The following IFT43 variants were observed in gnomAD, a reference collection of about 807,000 sequenced individuals.
IFT43 encodes intraflagellar transport 43.
Under a neutral mutation model 32.3 loss-of-function variants are expected in IFT43, and 33 were observed. The observed-to-expected ratio is 1.02, with a 90% CI of 0.77 to 1.37. The LOEUF is 1.37. Among genes scored for constraint, IFT43 ranks in the 40% most tolerant of loss-of-function variants. IFT43 has a pLI of 0.00. For synonymous variants in IFT43, 93 were observed against 98.2 expected (o/e 0.95, Z 0.31); for missense variants, 274 against 265.9 (o/e 1.03, Z -0.21).
intron 5 of IFT43, among the ~76,000 whole-genome samples, chr14:76,062,936 A>AG (rs1286199089): frequency 8.3e-4 from 123 of 148,892 alleles, no homozygotes; most frequent in African/African-American, 1.9e-3. Context: ...AAAAAAAAAA[A>AG]AAAAAGAAAA....
chr14:76,025,901 T>C (rs1041307425), intron 3 of IFT43, among the ~76,000 whole-genome samples: 2 of 152,188 alleles, frequency 1.3e-5, no homozygotes, highest in Non-Finnish European at 2.9e-5. Context: ...AAAGATTTCA[T>C]GATGAAGACA....
intron 1 of IFT43, chr14:75,986,104 C>G (rs1222997564): frequency 5.1e-5 from 74 of 1,445,890 alleles, no homozygotes; most frequent in Non-Finnish European, 6.7e-5. Context: ...GGGAAATTTC[C>G]GAGCCTTTCT....
At chr14:76,076,657 C>T (rs1183298938) in intron 5 of IFT43, 3 of 1,614,084 alleles carry the variant, frequency 1.9e-6, no homozygotes, top group Middle Eastern at 1.6e-4. Context: ...AAACGCATCA[C>T]AGAGATTTGG....
At chr14:75,993,230 T>C (rs1051433912) in intron 2 of IFT43, among the ~76,000 whole-genome samples, 16 of 152,222 alleles carry the variant, frequency 1.1e-4, no homozygotes, top group Admixed American at 6.5e-4. Flanking sequence ...ATGTTTTATG[T>C]GATCCATACA....
intron 2 of IFT43, among the ~76,000 whole-genome samples, chr14:76,016,412 A>C (rs1192991003): frequency 6.6e-6 from 1 of 151,910 alleles, no homozygotes; most frequent in African/African-American, 2.4e-5. Context: ...CCTTTGATCT[A>C]TTTGTTTTTA....
intron 3 of IFT43, among the ~76,000 whole-genome samples, chr14:76,037,533 A>G (rs772751899): frequency 6.6e-6 from 1 of 152,164 alleles, no homozygotes; most frequent in South Asian, 2.1e-4. Context: ...TACATTTTAT[A>G]CTTGTAACCC....
intron 3 of IFT43, among the ~76,000 whole-genome samples, chr14:76,030,128 A>C (rs1306227143): frequency 6.6e-6 from 1 of 151,988 alleles, no homozygotes. Context: ...CAATCGTCCT[A>C]CTTTGGCCTC....
At chr14:76,042,393 A>G (rs1352011308) in intron 3 of IFT43, among the ~76,000 whole-genome samples, 1 of 152,062 alleles carries the variant, frequency 6.6e-6, no homozygotes, top group African/African-American at 2.4e-5. Context: ...TTCTGTTTTT[A>G]TGCCCCTTGA....
intron 3 of IFT43, among the ~76,000 whole-genome samples, chr14:76,029,923 C>G (rs1268924125): frequency 2.2e-5 from 2 of 92,416 alleles, no homozygotes; most frequent in African/African-American, 8.6e-5. Flanking sequence ...TCTCTGTTGC[C>G]CAGGCTGGAG....
At chr14:76,063,416 G>T (rs2037177938) in intron 5 of IFT43, among the ~76,000 whole-genome samples, 1 of 152,186 alleles carries the variant, frequency 6.6e-6, no homozygotes, top group Non-Finnish European at 1.5e-5. Flanking sequence ...TTCAGACTTT[G>T]CTTCTAAAAT....
intron 3 of IFT43, 25 bp from the exon 4 acceptor site, chr14:76,058,617 C>T (rs759725111): frequency 6.3e-6 from 10 of 1,598,660 alleles, no homozygotes; most frequent in Non-Finnish European, 8.5e-6. Flanking sequence ...TCTCAAAAAC[C>T]TTGTCTTTTC....
Position 76,083,213 on chromosome 14 carries a change from G to A in IFT43, c.445-14G>A, listed in dbSNP as rs753055843. On this transcript the variant is annotated splice_polypyrimidine_tract_variant and intron_variant, in intron 7 of 8. Transcript: ENST00000314067. ...AAGGTGCTCAGCCTGACCTTTTTTT[G>A]TTTGCATTCACAGGATGGGGAGATC... 1.5e-5 allele frequency: 24 copies of A among 1,613,796 alleles called. No individual in the cohort carries two copies. The highest frequency in any genetic ancestry group is 3.3e-5 in the Admixed American group (2 of 59,946).
intron 5 of IFT43, among the ~76,000 whole-genome samples, chr14:76,081,993 C>G (rs1475831889): frequency 6.6e-6 from 1 of 152,242 alleles, no homozygotes; most frequent in Non-Finnish European, 1.5e-5. Context: ...TGGAGATCCA[C>G]TGCAGTGGCT....
chr14:76,007,150 C>T lies in IFT43; in HGVS notation c.148-15177C>T, dbSNP rs541612735. 5.3e-5 allele frequency among the ~76,000 whole-genome samples: 8 copies of T among 152,258 alleles called. No homozygotes were observed. The East Asian group carries it at 1.2e-3, about 22-fold the overall frequency. On this transcript the variant is annotated intron_variant, in intron 2 of 8. Coordinates refer to ENST00000314067, the MANE Select transcript of IFT43 (RefSeq NM_001102564.3). Reference sequence around the variant, plus strand: ...TTGGGATTACAGGTGTGAGCCACTGCGCCTGTGCTGGGGCCACTTTTCAAA... The same window carrying T: ...TTGGGATTACAGGTGTGAGCCACTGTGCCTGTGCTGGGGCCACTTTTCAAA...
chr14:76,043,013 C>T (rs1345630533), intron 3 of IFT43, among the ~76,000 whole-genome samples: 1 of 152,166 alleles, frequency 6.6e-6, no homozygotes, highest in Non-Finnish European at 1.5e-5. Flanking sequence ...GGGCACAGAG[C>T]AGAGCCCTGG....
intron 3 of IFT43, among the ~76,000 whole-genome samples, chr14:76,047,699 G>T (rs374404793): frequency 6.6e-6 from 1 of 151,448 alleles, no homozygotes; most frequent in Non-Finnish European, 1.5e-5. Flanking sequence ...CTGCCTGCCC[G>T]CCTGCCTTCC....
chr14:76,007,175 A>T (rs973633951), intron 2 of IFT43, among the ~76,000 whole-genome samples: 4 of 152,062 alleles, frequency 2.6e-5, no homozygotes, highest in Non-Finnish European at 4.4e-5. Flanking sequence ...CACTTTTCAA[A>T]TGGTATATAG....
chr14:76,050,057 G>A (rs1693120062), intron 3 of IFT43, among the ~76,000 whole-genome samples: 1 of 152,108 alleles, frequency 6.6e-6, no homozygotes, highest in Non-Finnish European at 1.5e-5. Flanking sequence ...CTCAGCCCCT[G>A]CATGCCTCTG....
chr14:76,017,864 A>T (rs2036217868), intron 2 of IFT43, among the ~76,000 whole-genome samples: 1 of 151,368 alleles, frequency 6.6e-6, no homozygotes, highest in Non-Finnish European at 1.5e-5. Context: ...GTCTCTTATG[A>T]TCCTTTGTAT....
Sources: allele counts gnomAD v4.1 joint callset (sites outside exome capture counted in the v4.1 genomes callset), GRCh38; gene constraint gnomAD v4.1.1; transcripts MANE v1.5; gene names NCBI Gene and HGNC (gene_info 2026-07-23, HGNC 2026-07-21).